Variants in BABAM2 observed in about 807,000 individuals in gnomAD.
BABAM2 encodes the protein BRISC and BRCA1 A complex member 2.
In BABAM2, 31 loss-of-function variants were observed where a neutral mutation model predicts 54.7. That is an observed-to-expected ratio of 0.57 (90% CI 0.43 to 0.77). BABAM2 has a LOEUF of 0.77. Ranked by LOEUF, BABAM2 falls within the 30% of genes least tolerant of loss-of-function variation. The pLI, the probability that BABAM2 is intolerant of heterozygous loss-of-function variation, is 0.00. For missense variants in BABAM2, 364 were observed against 455.8 expected, an observed-to-expected ratio of 0.80 and a Z score of 1.83; for synonymous variants, 167 against 162.9, an observed-to-expected ratio of 1.03 and a Z score of -0.19.
chr2:27,924,749 A>G (rs959959080), intron 2 of BABAM2, among the ~76,000 whole-genome samples: 1 of 152,202 alleles, frequency 6.6e-6, no homozygotes, highest in Admixed American at 6.5e-5. Context: ...GAATTTTCAC[A>G]GTAAATTAAA....
intron 6 of BABAM2, among the ~76,000 whole-genome samples, chr2:28,101,364 G>A (rs1667066768): frequency 6.6e-6 from 1 of 152,022 alleles, no homozygotes; most frequent in African/African-American, 2.4e-5. Context: ...TTTTAGATCT[G>A]GTTTTACCAT....
chr2:27,973,114 C>A (rs72812530), intron 3 of BABAM2, among the ~76,000 whole-genome samples: 11,800 of 151,790 alleles, frequency 0.078, 781 homozygotes, highest in African/African-American at 0.18. Flanking sequence ...ATGAGTAAAC[C>A]CTGCACCCTA....
chr2:28,146,483 T>G (rs977973938), intron 7 of BABAM2, among the ~76,000 whole-genome samples: 1 of 152,154 alleles, frequency 6.6e-6, no homozygotes, highest in Non-Finnish European at 1.5e-5. Context: ...TGGCACAGGA[T>G]TCATATCCAA....
chr2:28,217,909 G>C (rs1467291029), intron 7 of BABAM2, among the ~76,000 whole-genome samples: 1 of 152,094 alleles, frequency 6.6e-6, no homozygotes, highest in East Asian at 1.9e-4. Flanking sequence ...AAAATTCTCT[G>C]TATCATATAA....
intron 6 of BABAM2, among the ~76,000 whole-genome samples, chr2:28,057,970 C>T (rs945718412): frequency 2.0e-5 from 3 of 152,142 alleles, no homozygotes; most frequent in African/African-American, 4.8e-5. Flanking sequence ...AGTGAAACCC[C>T]GTCTCTACTG....
At chr2:28,162,840 G>A (rs2147817788) in intron 7 of BABAM2, among the ~76,000 whole-genome samples, 2 of 152,310 alleles carry the variant, frequency 1.3e-5, no homozygotes, top group South Asian at 4.1e-4. Flanking sequence ...CACAAGTGGA[G>A]AAAAGCTATA....
intron 3 of BABAM2, among the ~76,000 whole-genome samples, chr2:27,975,571 C>G (rs888772947): frequency 3.3e-5 from 5 of 152,048 alleles, no homozygotes; most frequent in African/African-American, 1.2e-4. Flanking sequence ...GAATCACATT[C>G]TTAAATGGAA....
At chr2:28,229,442 A>G (rs1474635453) in intron 7 of BABAM2, among the ~76,000 whole-genome samples, 1 of 152,180 alleles carries the variant, frequency 6.6e-6, no homozygotes, top group Non-Finnish European at 1.5e-5. Context: ...TAGTAAATGG[A>G]GTTATTATTC....
At chr2:28,230,560 C>A (rs952916267) in intron 7 of BABAM2, among the ~76,000 whole-genome samples, 65 of 142,266 alleles carry the variant, frequency 4.6e-4, no homozygotes, top group Non-Finnish European at 3.3e-4. Flanking sequence ...ACTAAAAATA[C>A]AAAAAAAAAA....
chr2:28,275,007 C>T (rs1685748883), intron 10 of BABAM2, among the ~76,000 whole-genome samples: 1 of 152,160 alleles, frequency 6.6e-6, no homozygotes, highest in South Asian at 2.1e-4. Flanking sequence ...CAGACGACTC[C>T]AGCTGACCTA....
intron 6 of BABAM2, among the ~76,000 whole-genome samples, chr2:28,062,796 G>A (rs1163410394): frequency 6.6e-6 from 1 of 152,146 alleles, no homozygotes; most frequent in African/African-American, 2.4e-5. Flanking sequence ...TGAACACTCA[G>A]GTGTAGAAAT....
At chr2:28,042,786 A>C (rs1367040188) in intron 5 of BABAM2, among the ~76,000 whole-genome samples, 2 of 152,150 alleles carry the variant, frequency 1.3e-5, no homozygotes, top group African/African-American at 4.8e-5. Context: ...GATGTTTATA[A>C]GGCCGAGATG....
intron 7 of BABAM2, among the ~76,000 whole-genome samples, chr2:28,211,016 A>G (rs1481243839): frequency 6.6e-6 from 1 of 152,252 alleles, no homozygotes; most frequent in Non-Finnish European, 1.5e-5. Flanking sequence ...ATCTGATTTC[A>G]GAATGTAATC....
At chr2:28,081,827 T>A (rs1237824503) in intron 6 of BABAM2, among the ~76,000 whole-genome samples, 1 of 152,172 alleles carries the variant, frequency 6.6e-6, no homozygotes, top group Non-Finnish European at 1.5e-5. Flanking sequence ...ATTCTCTAGG[T>A]GTGGACATGA....
At position 28,079,592 on chromosome 2, in the gene BABAM2, C is replaced by T. The variant is rs151123841; in HGVS notation, c.570+33793C>T. 7.4e-3 allele frequency among the ~76,000 whole-genome samples: 1,127 copies of T among 151,994 alleles called. 11 individuals carry two copies. The highest frequency in any genetic ancestry group is 0.026 in the African/African-American group (1,073 of 41,462). On this transcript the variant is annotated intron_variant, in intron 6 of 11. Transcript: ENST00000379624. ...CACTGTTCAAATACAATGGTCTGAT[C>T]GTTGTATATTTTTTAAATTAAATTG...
At chr2:28,154,946 T>C (rs1430924230) in intron 7 of BABAM2, among the ~76,000 whole-genome samples, 1 of 152,232 alleles carries the variant, frequency 6.6e-6, no homozygotes, top group East Asian at 1.9e-4. Context: ...GACCCTGTTT[T>C]GTATCTCCGT....
chr2:28,026,182 C>T (rs780361955), intron 5 of BABAM2, among the ~76,000 whole-genome samples: 2 of 152,106 alleles, frequency 1.3e-5, no homozygotes, highest in Non-Finnish European at 2.9e-5. Flanking sequence ...GGTGATTCCT[C>T]AAGAATCTAG....
chr2:28,037,961 G>C (rs1381731234), intron 5 of BABAM2, among the ~76,000 whole-genome samples: 1 of 152,172 alleles, frequency 6.6e-6, no homozygotes, highest in Non-Finnish European at 1.5e-5. Flanking sequence ...GGGAGTCCTA[G>C]AAGGGGAAGA....
chr2:28,127,179 A>G (rs946098953), intron 6 of BABAM2, among the ~76,000 whole-genome samples: 9 of 152,144 alleles, frequency 5.9e-5, no homozygotes, highest in Admixed American at 1.3e-4. Flanking sequence ...TTTTGTTGCC[A>G]TTGCTTTTGG....
Sources: gnomAD v4.1 joint callset for allele counts (sites outside exome capture counted in the v4.1 genomes callset) on GRCh38, gnomAD v4.1.1 for gene constraint, MANE v1.5 for transcripts, NCBI Gene and HGNC (gene_info 2026-07-23, HGNC 2026-07-21) for gene names.